Variants in NIN observed in about 807,000 individuals in gnomAD.
NIN encodes ninein, also known as glycogen synthase kinase 3 beta-interacting protein.
A neutral mutation model predicts 257.6 loss-of-function variants in NIN; 137 were observed. The observed-to-expected ratio is 0.53, with a 90% confidence interval of 0.46 to 0.61. The LOEUF is 0.61. Ranked by LOEUF, NIN falls within the 20% of genes least tolerant of loss-of-function variation. NIN has a pLI of 0.00. For synonymous variants in NIN, 918 were observed against 919.8 expected, an observed-to-expected ratio of 1.00 and a Z score of 0.04; for missense variants, 2,439 against 2,501.2, an observed-to-expected ratio of 0.98 and a Z score of 0.53.
chr14:50,727,354 C>A, intron 29 of NIN: 1 of 993,216 alleles, frequency 1.0e-6, no homozygotes, highest in Non-Finnish European at 1.2e-6. Context: ...AAAGTAGTAC[C>A]TTTGGTTAAA....
rs4534750 is a variant in NIN at position 50,721,406 on chromosome 14, G to A, written c.*2057C>T. ...GACAAAAATTAAAAATACAACAACC[G>A]TGATCACATGCTAAGGCCAGCTATC... On this transcript the variant is annotated 3_prime_UTR_variant, in exon 31 of 31. Coordinates refer to ENST00000530997, the MANE Select transcript of NIN (RefSeq NM_020921.4). 35,013 of 214,246 alleles carry A rather than the reference G, an allele frequency of 0.16. 3,333 individuals carry two copies. Among genetic ancestry groups the A allele is most frequent in the African/African-American group, 0.25 (11,222 of 44,324 alleles). 13.3% of individuals were successfully genotyped at this position (214,246 alleles called of 1,614,324 possible).
At chr14:50,745,096 T>C (rs2041476858) in intron 22 of NIN, among the ~76,000 whole-genome samples, 1 of 152,164 alleles carries the variant, frequency 6.6e-6, no homozygotes, top group Non-Finnish European at 1.5e-5. Flanking sequence ...ACATACTGGC[T>C]TTTCCTCTCC....
At position 50,739,414 on chromosome 14, in the gene NIN, A is replaced by C; in HGVS notation, c.5522T>G (p.Leu1841Trp). Residue 1841 changes from leucine (L) to tryptophan (W), a missense_variant, in exon 26 of 31, where the codon TTG becomes TGG. Physicochemically the swap from Leu to Trp is moderately conservative, Grantham distance 61. Coordinates refer to ENST00000530997, the MANE Select transcript of NIN (RefSeq NM_020921.4). The part of the protein sequence containing the change: ...NQQKRLSWDK[L>W]DHLMNEEQQL... Reference sequence around the variant, plus strand: ...CTGTTCCTCATTCATCAGATGATCCAACTTGTCCCAGGACAGCCTTTTCTG... The same window carrying C: ...CTGTTCCTCATTCATCAGATGATCCCACTTGTCCCAGGACAGCCTTTTCTG... The C allele has an allele frequency of 6.2e-7, 1 of 1,614,202 alleles. No homozygotes were observed.
intron 5 of NIN, 132 bp downstream of exon 5, chr14:50,792,580 T>C (rs2043644738): frequency 1.1e-6 from 1 of 874,240 alleles, no homozygotes; most frequent in South Asian, 1.7e-5. Flanking sequence ...AGTAATAAGA[T>C]TAGCAAGGAG....
intron 10 of NIN, 124 bp downstream of exon 10, chr14:50,771,208 C>A: frequency 8.1e-7 from 1 of 1,229,274 alleles, no homozygotes; most frequent in Non-Finnish European, 1.1e-6. Flanking sequence ...ATGTGTGCAG[C>A]AGTTGGATAG....
Position 50,759,520 on chromosome 14 carries a change from G to C in NIN, c.2399+337C>G, listed in dbSNP as rs998098326. On this transcript the variant is annotated intron_variant, in intron 17 of 30. Transcript: ENST00000530997. ...ACTTTTTTTTTTTTTTTGAGACGGA[G>C]TCTCGCTCTGTCGCCCAGGCTGGAG... Among the ~76,000 whole-genome samples, 7 of 149,092 alleles carry C rather than the reference G, an allele frequency of 4.7e-5. No individual in the cohort carries two copies. The South Asian group carries it at 1.5e-3, about 31-fold the overall frequency.
At chr14:50,778,630 G>T in intron 6 of NIN, 135 bp downstream of exon 6, 6 of 747,878 alleles carry the variant, frequency 8.0e-6, no homozygotes, top group Non-Finnish European at 1.4e-5. Context: ...TATCAATTGG[G>T]AATAAATTTT....
At chr14:50,792,467 C>G in intron 5 of NIN, 1 of 495,494 alleles carries the variant, frequency 2.0e-6, no homozygotes, top group Non-Finnish European at 3.6e-6. Flanking sequence ...TACCTGAACT[C>G]TAAATGTGTA....
chr14:50,729,786 G>T lies in NIN; in HGVS notation c.5878-63C>A. On this transcript the variant is annotated intron_variant, in intron 28 of 30. Coordinates refer to ENST00000530997, the MANE Select transcript of NIN (RefSeq NM_020921.4). The stretch of plus-strand genomic sequence containing the variant: ...CTTCAATCCCAGAGCTGCCCTTTAT[G>T]GTGTCAGGCAGTGAGTAATGAAGAC... 4 of 1,302,956 alleles carry T rather than the reference G, an allele frequency of 3.1e-6. No individual in the cohort carries two copies. In the South Asian group the frequency reaches 4.5e-5, roughly 15 times the overall value. 80.7% of individuals were successfully genotyped at this position (1,302,956 alleles called of 1,614,324 possible).
chr14:50,813,150 C>G (rs2044716484), intron 3 of NIN, among the ~76,000 whole-genome samples: 2 of 152,204 alleles, frequency 1.3e-5, no homozygotes, highest in African/African-American at 2.4e-5. Context: ...AACACCCCCA[C>G]CGGTGGGCTA....
chr14:50,805,214 A>G (rs1176588407), intron 4 of NIN, among the ~76,000 whole-genome samples: 1 of 151,764 alleles, frequency 6.6e-6, no homozygotes, highest in East Asian at 1.9e-4. Flanking sequence ...GATGTCAACC[A>G]TAGCTCTATT....
chr14:50,748,550 C>T (rs974469641), intron 21 of NIN, among the ~76,000 whole-genome samples: 5 of 152,140 alleles, frequency 3.3e-5, no homozygotes, highest in African/African-American at 7.2e-5. Context: ...TTGCAGATGA[C>T]GTGATTGTGT....
At chr14:50,767,632 ACG>A (rs2042548485) in intron 12 of NIN, among the ~76,000 whole-genome samples, 1 of 152,086 alleles carries the variant, frequency 6.6e-6, no homozygotes, top group Non-Finnish European at 1.5e-5. Context: ...CCTGGCGAAC[ACG>A]GTGAAACCCC....
rs1040982996 is a variant in NIN at position 50,801,141 on chromosome 14, T to C, written c.265+5596A>G. On this transcript the variant is annotated intron_variant, in intron 4 of 30. Coordinates refer to ENST00000530997, the MANE Select transcript of NIN (RefSeq NM_020921.4). ...AGTCTCGCTTTGTCACTCAGGCTGG[T>C]GTGCAGTGGTGCGATCTCAGCTCAC... Among the ~76,000 whole-genome samples the C allele has an allele frequency of 2.8e-5, 4 of 142,264 alleles. No homozygotes were observed. The East Asian group carries it at 6.3e-4, about 22-fold the overall frequency. 93.3% of individuals were successfully genotyped at this position (142,264 alleles called of 152,430 possible).
At chr14:50,795,589 G>T (rs983384069) in intron 4 of NIN, among the ~76,000 whole-genome samples, 1 of 152,178 alleles carries the variant, frequency 6.6e-6, no homozygotes, top group African/African-American at 2.4e-5. Flanking sequence ...CTGCAACCCT[G>T]GGGCTACGTT....
rs758917074 is a variant in NIN, at chr14:50,757,603, C to T, written c.3427G>A (p.Val1143Ile). ...KQVEGVTRRHVLSDLEDDEVR... is the reference protein window; with the variant it reads ...KQVEGVTRRHILSDLEDDEVR... ...TCATCATCTTCCAGGTCACTTAGGACATGCCGCCTGGTCACACCTTCTACT... is the reference window on the plus strand; with the variant it reads ...TCATCATCTTCCAGGTCACTTAGGATATGCCGCCTGGTCACACCTTCTACT... Residue 1143 changes from valine to isoleucine, a missense_variant, in exon 18 of 31, where the codon GTC (valine) becomes ATC (isoleucine). By Grantham distance (29) the Val-to-Ile change is conservative (BLOSUM62 3). Coordinates refer to ENST00000530997, the MANE Select transcript of NIN (RefSeq NM_020921.4). 1.9e-5 allele frequency: 30 copies of T among 1,614,034 alleles called. No homozygotes were observed. Among genetic ancestry groups the T allele is most frequent in the Non-Finnish European group, 2.5e-5 (30 of 1,180,046 alleles).
At chr14:50,774,119 G>A (rs531120562) in intron 7 of NIN, among the ~76,000 whole-genome samples, 1 of 152,320 alleles carries the variant, frequency 6.6e-6, no homozygotes, top group South Asian at 2.1e-4. Flanking sequence ...TTTCTAACAA[G>A]CTCCCAGTTA....
rs76025227 is a variant in NIN, at chr14:50,802,868, T to G, written c.265+3869A>C. On this transcript the variant is annotated intron_variant, in intron 4 of 30. Coordinates refer to ENST00000530997, the MANE Select transcript of NIN (RefSeq NM_020921.4). Reference sequence around the variant, plus strand: ...TCAAGCTGACTTTTCTATATTATAGTCTGGTGCAATATCTTATATTTTAAT... The same window carrying G: ...TCAAGCTGACTTTTCTATATTATAGGCTGGTGCAATATCTTATATTTTAAT... 8.8e-3 allele frequency among the ~76,000 whole-genome samples: 1,342 copies of G among 152,322 alleles called. 21 individuals are homozygous for G. Among genetic ancestry groups the G allele is most frequent in the African/African-American group, 0.03 (1,234 of 41,568 alleles).
At chr14:50,755,689 G>A (rs1169998178) in intron 18 of NIN, among the ~76,000 whole-genome samples, 1 of 126,634 alleles carries the variant, frequency 7.9e-6, no homozygotes, top group South Asian at 2.5e-4. Context: ...AAAAGAGACA[G>A]GGTCTCACTC....
Sources: gnomAD v4.1 joint callset for allele counts (sites outside exome capture counted in the v4.1 genomes callset) on GRCh38, gnomAD v4.1.1 for gene constraint, MANE v1.5 for transcripts, NCBI Gene and HGNC (gene_info 2026-07-23, HGNC 2026-07-21) for gene names.